The following CTNND2 variants were observed in gnomAD, a reference collection of about 807,000 sequenced individuals.
The protein encoded by CTNND2 is catenin delta 2.
CTNND2 carries 22 observed loss-of-function variants against 144.4 expected under a neutral mutation model. That is an observed-to-expected ratio of 0.15 (90% CI 0.11 to 0.22). CTNND2 has a LOEUF of 0.22. Among genes scored for constraint, CTNND2 ranks in the 10% least tolerant of loss-of-function variants. The pLI, the probability that CTNND2 is intolerant of heterozygous loss-of-function variation, is 1.00. For missense variants in CTNND2, 1,353 were observed against 1,618.8 expected (o/e 0.84, Z 2.82); for synonymous variants, 751 against 695.6 (o/e 1.08, Z -1.25).
At chr5:11,394,302 C>T (rs2149812455) in intron 6 of CTNND2, among the ~76,000 whole-genome samples, 1 of 152,294 alleles carries the variant, frequency 6.6e-6, no homozygotes, top group Non-Finnish European at 1.5e-5. Context: ...CTTCTCCATC[C>T]CAAGCACATG....
chr5:11,654,793 G>A (rs1782825839), intron 2 of CTNND2, among the ~76,000 whole-genome samples: 1 of 151,970 alleles, frequency 6.6e-6, no homozygotes, highest in African/African-American at 2.4e-5. Flanking sequence ...GAATAGAAGT[G>A]GTAAGAATGG....
intron 9 of CTNND2, among the ~76,000 whole-genome samples, chr5:11,250,250 T>C (rs1743419750): frequency 6.6e-6 from 1 of 152,074 alleles, no homozygotes; most frequent in Non-Finnish European, 1.5e-5. Context: ...TACAACTGAA[T>C]ACATAAGCAA....
At chr5:11,693,630 C>G (rs1398207665) in intron 2 of CTNND2, among the ~76,000 whole-genome samples, 1 of 152,174 alleles carries the variant, frequency 6.6e-6, no homozygotes, top group Non-Finnish European at 1.5e-5. Context: ...CTGTTTGTGT[C>G]TTTTGATCAC....
At chr5:11,190,140 C>A (rs1369768625) in intron 11 of CTNND2, among the ~76,000 whole-genome samples, 1 of 152,214 alleles carries the variant, frequency 6.6e-6, no homozygotes, top group Non-Finnish European at 1.5e-5. Flanking sequence ...CTCTGCCCAT[C>A]ATTGATCCAT....
intron 1 of CTNND2, among the ~76,000 whole-genome samples, chr5:11,817,807 A>C (rs1011434412): frequency 2.0e-5 from 3 of 152,120 alleles, no homozygotes; most frequent in African/African-American, 7.2e-5. Flanking sequence ...CACCAGCAGA[A>C]GCATATTTTT....
chr5:11,401,592 C>T (rs1477115502), intron 5 of CTNND2, among the ~76,000 whole-genome samples: 1 of 152,146 alleles, frequency 6.6e-6, no homozygotes, highest in African/African-American at 2.4e-5. Context: ...ACAGTAATGA[C>T]CAGTTAACCT....
At chr5:11,876,680 A>G (rs1370391691) in intron 1 of CTNND2, among the ~76,000 whole-genome samples, 2 of 152,200 alleles carry the variant, frequency 1.3e-5, no homozygotes, top group African/African-American at 4.8e-5. Flanking sequence ...AAATGCTCTT[A>G]AAAGCATTTA....
chr5:11,522,848 T>C (rs567816216), intron 3 of CTNND2, among the ~76,000 whole-genome samples: 2 of 152,336 alleles, frequency 1.3e-5, no homozygotes, highest in South Asian at 4.1e-4. Flanking sequence ...AAAAATTTAC[T>C]ATGATAAATA....
intron 3 of CTNND2, among the ~76,000 whole-genome samples, chr5:11,519,511 T>G (rs1208005929): frequency 1.3e-5 from 2 of 151,510 alleles, no homozygotes; most frequent in Non-Finnish European, 2.9e-5. Context: ...TTGTGGGTTT[T>G]TTTTTTTTTT....
At chr5:11,160,782 G>A (rs757575833) in intron 11 of CTNND2, among the ~76,000 whole-genome samples, 1 of 152,148 alleles carries the variant, frequency 6.6e-6, no homozygotes, top group African/African-American at 2.4e-5. Context: ...AACGAAATGC[G>A]ATTTTGTTCC....
At chr5:11,564,659 A>G (rs1029007199) in intron 3 of CTNND2, among the ~76,000 whole-genome samples, 5 of 151,716 alleles carry the variant, frequency 3.3e-5, no homozygotes, top group Non-Finnish European at 7.4e-5. Flanking sequence ...GTGACTTGGC[A>G]TCTCCTGATT....
chr5:11,272,546 A>G (rs1335152575), intron 9 of CTNND2, among the ~76,000 whole-genome samples: 1 of 152,180 alleles, frequency 6.6e-6, no homozygotes, highest in Non-Finnish European at 1.5e-5. Flanking sequence ...TATGGTTATT[A>G]TAATTTATTC....
intron 18 of CTNND2, among the ~76,000 whole-genome samples, chr5:11,009,075 GC>G: frequency 6.6e-6 from 1 of 152,312 alleles, no homozygotes; most frequent in South Asian, 2.1e-4. Context: ...AATGACAAAA[GC>G]TACAGGGGCA....
intron 3 of CTNND2, among the ~76,000 whole-genome samples, chr5:11,415,729 T>A (rs781514067): frequency 2.0e-5 from 3 of 152,164 alleles, no homozygotes; most frequent in Non-Finnish European, 4.4e-5. Flanking sequence ...CAGTACTCAG[T>A]AAAGTCCAGC....
At chr5:11,380,850 C>T (rs899610465) in intron 7 of CTNND2, among the ~76,000 whole-genome samples, 32 of 152,276 alleles carry the variant, frequency 2.1e-4, no homozygotes, top group African/African-American at 7.2e-4. Flanking sequence ...ATGTTTATAG[C>T]GAAACAAGAA....
At chr5:11,889,744 T>C (rs888838144) in intron 1 of CTNND2, among the ~76,000 whole-genome samples, 5 of 152,204 alleles carry the variant, frequency 3.3e-5, no homozygotes, top group African/African-American at 1.2e-4. Context: ...ATTACTAAAA[T>C]ATCACTCTTG....
At chr5:11,505,370 A>T (rs1458914972) in intron 3 of CTNND2, among the ~76,000 whole-genome samples, 3 of 152,196 alleles carry the variant, frequency 2.0e-5, no homozygotes, top group Non-Finnish European at 4.4e-5. Flanking sequence ...ACATGCTTAG[A>T]AAAGGCACGG....
chr5:11,070,383 G>A (rs1273059243), intron 16 of CTNND2, among the ~76,000 whole-genome samples: 2 of 152,154 alleles, frequency 1.3e-5, no homozygotes, highest in Non-Finnish European at 2.9e-5. Flanking sequence ...GGACCAGTGA[G>A]TTTAAAGATA....
chr5:11,872,567 A>C (rs980032996), intron 1 of CTNND2, among the ~76,000 whole-genome samples: 4 of 152,138 alleles, frequency 2.6e-5, no homozygotes, highest in African/African-American at 9.7e-5. Flanking sequence ...CTTTTTAATG[A>C]TTGCCATTTT....
Sources: allele counts gnomAD v4.1 joint callset (sites outside exome capture counted in the v4.1 genomes callset), GRCh38; gene constraint gnomAD v4.1.1; transcripts MANE v1.5; gene names NCBI Gene and HGNC (gene_info 2026-07-23, HGNC 2026-07-21).